BMAL1: variants seen among roughly 807,000 people sequenced by gnomAD.
The protein encoded by BMAL1 is basic helix-loop-helix ARNT like 1, also known as basic helix-loop-helix ARNT-like protein 1.
the BMAL1 span, among the ~76,000 whole-genome samples, chr11:13,286,059 G>A: frequency 6.6e-6 from 1 of 152,140 alleles, no homozygotes; most frequent in Non-Finnish European, 1.5e-5. Flanking sequence ...GGAAACTTGG[G>A]ATAAATTTTT....
the BMAL1 span, among the ~76,000 whole-genome samples, chr11:13,384,381 C>G: frequency 6.6e-6 from 1 of 152,116 alleles, no homozygotes; most frequent in Non-Finnish European, 1.5e-5. Flanking sequence ...TATTTTGTAA[C>G]TAAACAATGC....
the BMAL1 span, chr11:13,355,441 C>A: frequency 2.5e-6 from 2 of 805,358 alleles, no homozygotes; most frequent in Non-Finnish European, 2.1e-6. Context: ...CTTGAGCAAG[C>A]GCTAAGGGAG....
At chr11:13,316,721 C>T in the BMAL1 span, among the ~76,000 whole-genome samples, 1 of 152,150 alleles carries the variant, frequency 6.6e-6, no homozygotes, top group African/African-American at 2.4e-5. Context: ...CTGTTTTTGA[C>T]TGGGAAAAAT....
chr11:13,384,938 A>G, the BMAL1 span, among the ~76,000 whole-genome samples: 171 of 152,318 alleles, frequency 1.1e-3, no homozygotes, highest in African/African-American at 3.9e-3. Flanking sequence ...TTAAGAGTGT[A>G]AAAGGGTCCC....
chr11:13,380,153 G>A, the BMAL1 span: 2 of 152,244 alleles, frequency 1.3e-5, no homozygotes, highest in Admixed American at 6.5e-5. Context: ...CATAAGTAGA[G>A]AAAGGTGGGG....
At chr11:13,288,420 T>TCTTTCTTTCTTTCTTTCTTCTTTCTTTC in the BMAL1 span, among the ~76,000 whole-genome samples, 1 of 43,564 alleles carries the variant, frequency 2.3e-5, no homozygotes, top group African/African-American at 7.0e-5. Context: ...CTTTCTTTTT[T>TCTTTCTTTCTTTCTTTCTTCTTTCTTTC]TTTCTTTTTT....
chr11:13,294,407 C>T, the BMAL1 span, among the ~76,000 whole-genome samples: 1 of 152,244 alleles, frequency 6.6e-6, no homozygotes, highest in African/African-American at 2.4e-5. Context: ...TATTTTTCAA[C>T]GAGTGTGAAT....
the BMAL1 span, among the ~76,000 whole-genome samples, chr11:13,305,283 G>A: frequency 1.3e-5 from 2 of 152,240 alleles, no homozygotes; most frequent in South Asian, 4.1e-4. Flanking sequence ...TGCCCTCATG[G>A]CACAGATGGC....
At chr11:13,362,855 AT>A in the BMAL1 span, among the ~76,000 whole-genome samples, 2 of 151,990 alleles carry the variant, frequency 1.3e-5, no homozygotes, top group Middle Eastern at 6.8e-3. Context: ...TGAAAACGTA[AT>A]TTTTGAACAA....
At chr11:13,346,463 G>A in the BMAL1 span, among the ~76,000 whole-genome samples, 1 of 152,184 alleles carries the variant, frequency 6.6e-6, no homozygotes, top group Non-Finnish European at 1.5e-5. Flanking sequence ...TAAGGGGCAG[G>A]GTTCAGCTTC....
At chr11:13,283,606 G>T in the BMAL1 span, among the ~76,000 whole-genome samples, 1 of 152,096 alleles carries the variant, frequency 6.6e-6, no homozygotes, top group Non-Finnish European at 1.5e-5. Flanking sequence ...GAAACACCCC[G>T]TTATATCCCT....
the BMAL1 span, chr11:13,374,275 AG>A: frequency 7.3e-7 from 1 of 1,376,752 alleles, no homozygotes; most frequent in Non-Finnish European, 1.0e-6. Context: ...ATGACCTTCC[AG>A]GGAAATCTGT....
At chr11:13,355,089 C>G in the BMAL1 span, 1 of 662,340 alleles carries the variant, frequency 1.5e-6, no homozygotes, top group Non-Finnish European at 2.6e-6. Context: ...GTAGAATATT[C>G]AAAGGCACAT....
the BMAL1 span, among the ~76,000 whole-genome samples, chr11:13,375,110 A>G: frequency 6.6e-6 from 1 of 152,218 alleles, no homozygotes; most frequent in Non-Finnish European, 1.5e-5. Context: ...TCTTGAGGGC[A>G]GGAGTCATAG....
chr11:13,336,433 C>A, the BMAL1 span, among the ~76,000 whole-genome samples: 1 of 152,186 alleles, frequency 6.6e-6, no homozygotes. Context: ...CAGACTGACT[C>A]TGGGAGCTGT....
At chr11:13,361,191 GCTCT>G in the BMAL1 span, among the ~76,000 whole-genome samples, 26 of 152,240 alleles carry the variant, frequency 1.7e-4, no homozygotes, top group East Asian at 1.4e-3. Context: ...TGACTTGAGT[GCTCT>G]CTCTGTCTTG....
At chr11:13,357,127 C>T in the BMAL1 span, 1 of 1,613,050 alleles carries the variant, frequency 6.2e-7, no homozygotes, top group Middle Eastern at 1.7e-4. The surrounding 1 kb of genome is among the most constrained non-coding windows in gnomAD (Gnocchi z 4.8). Context: ...GTCTACAAAG[C>T]ATCCTAGTTC....
the BMAL1 span, chr11:13,374,227 TAAGTTGA>T: frequency 1.3e-6 from 2 of 1,598,256 alleles, no homozygotes; most frequent in Admixed American, 3.3e-5. Flanking sequence ...TGAAAGATCT[TAAGTTGA>T]AAGTGTCCCC....
At chr11:13,358,418 T>A in the BMAL1 span, 2 of 1,527,106 alleles carry the variant, frequency 1.3e-6, no homozygotes, top group Non-Finnish European at 1.8e-6. Flanking sequence ...AAATCGTTTT[T>A]CATATTGTTG....
Sources: gnomAD v4.1 joint callset for allele counts (sites outside exome capture counted in the v4.1 genomes callset) on GRCh38, gnomAD v4.1.1 for gene constraint, Gnocchi (gnomAD v3.1) non-coding constraint, MANE v1.5 for transcripts, NCBI Gene and HGNC (gene_info 2026-07-23, HGNC 2026-07-21) for gene names.